The following LPXN variants were observed in gnomAD, a reference collection of about 807,000 sequenced individuals.
LPXN encodes the protein leupaxin.
A neutral mutation model predicts 45.6 loss-of-function variants in LPXN; 28 were observed. The observed-to-expected ratio is 0.61, with a 90% CI of 0.45 to 0.84. The LOEUF (loss-of-function observed/expected upper bound fraction) is 0.84. Ranked by LOEUF, LPXN falls within the 40% of genes least tolerant of loss-of-function variation. The pLI is 0.00. For synonymous variants in LPXN, 166 were observed against 169.9 expected, an observed-to-expected ratio of 0.98 and a Z score of 0.18; for missense variants, 459 against 475.0, an observed-to-expected ratio of 0.97 and a Z score of 0.31.
chr11:58,570,743 C>T (rs1415424269), intron 1 of LPXN, 30 bp from the exon 2 acceptor site: 1 of 1,561,176 alleles, frequency 6.4e-7, no homozygotes, highest in Non-Finnish European at 8.7e-7. Context: ...AGAATCATGA[C>T]AGAGAATATT....
intron 3 of LPXN, among the ~76,000 whole-genome samples, chr11:58,563,489 C>T (rs1006595743): frequency 1.3e-5 from 2 of 152,186 alleles, no homozygotes; most frequent in African/African-American, 4.8e-5. Flanking sequence ...TGAATCTTTA[C>T]TATCTATATT....
At chr11:58,534,235 C>A (rs1740435213) in intron 7 of LPXN, among the ~76,000 whole-genome samples, 1 of 152,178 alleles carries the variant, frequency 6.6e-6, no homozygotes, top group Admixed American at 6.5e-5. Flanking sequence ...TTGTCAGCAC[C>A]ACATCATATT....
chr11:58,576,313 T>C (rs1315044149), upstream of LPXN, among the ~76,000 whole-genome samples: 1 of 152,214 alleles, frequency 6.6e-6, no homozygotes, highest in Non-Finnish European at 1.5e-5. Context: ...CTTTCCTGCA[T>C]GGAACGTAAA....
chr11:58,527,755 G>A (rs1853270280), intron 8 of LPXN, 32 bp from the exon 9 acceptor site: 3 of 1,596,530 alleles, frequency 1.9e-6, no homozygotes, highest in African/African-American at 2.7e-5. Context: ...GAAAAAGAAT[G>A]CAAATGTCAA....
chr11:58,542,560 C>T (rs1853761930), intron 7 of LPXN, among the ~76,000 whole-genome samples: 1 of 151,622 alleles, frequency 6.6e-6, no homozygotes, highest in Admixed American at 6.6e-5. Context: ...TACTAAACAC[C>T]AGAAGTAATC....
At chr11:58,539,661 A>T (rs1853656764) in intron 7 of LPXN, among the ~76,000 whole-genome samples, 1 of 152,186 alleles carries the variant, frequency 6.6e-6, no homozygotes. Context: ...GTTCATAATG[A>T]TTTTTTAAAA....
chr11:58,572,022 C>T lies in LPXN; in HGVS notation c.14-1309G>A, dbSNP rs548871470. On this transcript the variant is annotated intron_variant, in intron 1 of 8. Coordinates refer to ENST00000395074, the MANE Select transcript of LPXN (RefSeq NM_004811.3). ...TTCTCTGATGCAGTTTCCTCATCTACATAACAAGGCAATTTGATTAGAACA... is the reference window on the plus strand; with the variant it reads ...TTCTCTGATGCAGTTTCCTCATCTATATAACAAGGCAATTTGATTAGAACA... 8.5e-5 allele frequency among the ~76,000 whole-genome samples: 13 copies of T among 152,272 alleles called. No homozygotes were observed. In the South Asian group the frequency reaches 2.7e-3, roughly 32 times the overall value.
At position 58,546,354 on chromosome 11, in the gene LPXN, C is replaced by T. The variant is rs542611590; in HGVS notation, c.742+3432G>A. Among the ~76,000 whole-genome samples the T allele has an allele frequency of 2.9e-4, 44 of 151,840 alleles. No individual in the cohort carries two copies. The East Asian group carries it at 3.9e-3, about 13-fold the overall frequency. ...TAGAAAGTTAGATGCCTTATCTTAC[C>T]GTAAGATGCAATGATTATTTCTGTA... On this transcript the variant is annotated intron_variant, in intron 7 of 8. Transcript: ENST00000395074.
chr11:58,529,674 A>G (rs1203703244), intron 7 of LPXN, among the ~76,000 whole-genome samples: 1 of 152,088 alleles, frequency 6.6e-6, no homozygotes, highest in Non-Finnish European at 1.5e-5. Flanking sequence ...ATTGAATCAA[A>G]TTGAAGAAAA....
chr11:58,537,871 A>C (rs1019800764), intron 7 of LPXN, among the ~76,000 whole-genome samples: 2 of 149,244 alleles, frequency 1.3e-5, no homozygotes, highest in African/African-American at 2.4e-5. Flanking sequence ...TGCTGCACCC[A>C]TTAACTCGTC....
chr11:58,562,115 G>A (rs1168327072), intron 3 of LPXN, among the ~76,000 whole-genome samples: 1 of 152,042 alleles, frequency 6.6e-6, no homozygotes, highest in Non-Finnish European at 1.5e-5. Flanking sequence ...TTATTTCTCT[G>A]TTATATTTTT....
chr11:58,549,751 G>A (rs773896188), intron 7 of LPXN, 35 bp downstream of exon 7: 4 of 1,559,110 alleles, frequency 2.6e-6, no homozygotes, highest in Non-Finnish European at 3.5e-6. Flanking sequence ...CTACCCACTG[G>A]GGTGTGGGAT....
At position 58,527,743 on chromosome 11, in the gene LPXN, G is replaced by A. The variant is rs777983778; in HGVS notation, c.892-20C>T. 2 of 1,602,362 alleles carry A rather than the reference G, an allele frequency of 1.2e-6. No homozygotes were observed. The highest frequency in any genetic ancestry group is 3.4e-5 in the Admixed American group (2 of 58,850). On this transcript the variant is annotated intron_variant, in intron 8 of 8. Coordinates refer to ENST00000395074, the MANE Select transcript of LPXN (RefSeq NM_004811.3). ...GCAGTCCTGGGGTAGAGAGAAGAGA[G>A]AGAAAAAGAATGCAAATGTCAAGAG... is the stretch of plus-strand genomic sequence containing the variant.
chr11:58,544,356 G>A (rs967048769), intron 7 of LPXN, among the ~76,000 whole-genome samples: 7 of 152,148 alleles, frequency 4.6e-5, no homozygotes, highest in Non-Finnish European at 7.3e-5. Context: ...GTCTGGGATG[G>A]GGCCCAAGAT....
At chr11:58,548,104 G>A (rs1172066388) in intron 7 of LPXN, among the ~76,000 whole-genome samples, 4 of 152,168 alleles carry the variant, frequency 2.6e-5, no homozygotes. Flanking sequence ...AATGTCTTCA[G>A]AATTATGAAG....
rs185727680 is a variant in LPXN, at chr11:58,557,760, T to G, written c.219-2820A>C. Among the ~76,000 whole-genome samples, 322 of 152,280 alleles carry G rather than the reference T, an allele frequency of 2.1e-3. 1 individual carries two copies. The highest frequency in any genetic ancestry group is 3.6e-3 in the Non-Finnish European group (244 of 68,006). ...GTAACTGTGTGAGATAATAAATATG[T>G]TAATTTGCCTCACTATAGTAACCAT... On this transcript the variant is annotated intron_variant, in intron 3 of 8. Coordinates refer to ENST00000395074, the MANE Select transcript of LPXN (RefSeq NM_004811.3).
At chr11:58,578,425 G>A (rs1186295940), upstream of LPXN, among the ~76,000 whole-genome samples, 1 of 152,196 alleles carries the variant, frequency 6.6e-6, no homozygotes, top group Non-Finnish European at 1.5e-5. Flanking sequence ...TAAGTTAACG[G>A]TGCGCATGCG....
At chr11:58,539,751 A>G (rs1004292560) in intron 7 of LPXN, among the ~76,000 whole-genome samples, 1 of 152,218 alleles carries the variant, frequency 6.6e-6, no homozygotes, top group African/African-American at 2.4e-5. Flanking sequence ...ACTCTTATTA[A>G]TAGAAAGTGT....
intron 3 of LPXN, among the ~76,000 whole-genome samples, chr11:58,558,023 T>G: frequency 6.6e-6 from 1 of 151,066 alleles, no homozygotes. Context: ...AAAAACAAAA[T>G]AGGAGGGGTG....
Sources: allele counts gnomAD v4.1 joint callset (sites outside exome capture counted in the v4.1 genomes callset), GRCh38; gene constraint gnomAD v4.1.1; transcripts MANE v1.5; gene names NCBI Gene and HGNC (gene_info 2026-07-23, HGNC 2026-07-21).